Variants in SHROOM4 observed in about 807,000 individuals in gnomAD.
SHROOM4 encodes protein Shroom4.
In SHROOM4, 17 loss-of-function variants were observed where a neutral mutation model predicts 80.3. The observed-to-expected ratio is 0.21, with a 90% CI of 0.14 to 0.32. SHROOM4 has a LOEUF of 0.32. SHROOM4 is among the 10% of genes least tolerant of loss of function. The probability of loss-of-function intolerance (pLI) is 1.00; values close to 1 mark genes in which losing one functional copy is unlikely to be tolerated. For synonymous variants in SHROOM4, 400 were observed against 437.5 expected, an observed-to-expected ratio of 0.91 and a Z score of 1.07; for missense variants, 993 against 1,140.3, an observed-to-expected ratio of 0.87 and a Z score of 1.86.
downstream of SHROOM4, among the ~76,000 whole-genome samples, chrX:50,582,005 C>A (rs1928676200): frequency 8.9e-6 from 1 of 111,947 alleles, no homozygotes; most frequent in Non-Finnish European, 1.9e-5. Flanking sequence ...CTGGTGTTCA[C>A]ACCCCTGTAT....
intron 5 of SHROOM4, among the ~76,000 whole-genome samples, chrX:50,615,288 G>T (rs187969636): frequency 1.8e-5 from 2 of 111,255 alleles, no homozygotes; most frequent in African/African-American, 6.5e-5. Context: ...TTAAAATTCT[G>T]CCTTTCCTAT....
chrX:50,742,619 T>C (rs1557267293), intron 1 of SHROOM4, among the ~76,000 whole-genome samples: 1 of 63,072 alleles, frequency 1.6e-5, no homozygotes, highest in Non-Finnish European at 3.0e-5. Flanking sequence ...TCTTCATAAT[T>C]GGAGTGGGGT....
intron 1 of SHROOM4, among the ~76,000 whole-genome samples, chrX:50,787,993 A>T (rs1188745164): frequency 8.9e-6 from 1 of 112,050 alleles, no homozygotes; most frequent in Non-Finnish European, 1.9e-5. Flanking sequence ...AAATACAGAC[A>T]AGTGTGAAAT....
chrX:50,797,507 A>C (rs1233449378), intron 1 of SHROOM4, among the ~76,000 whole-genome samples: 1 of 111,998 alleles, frequency 8.9e-6, no homozygotes, highest in Admixed American at 9.5e-5. Context: ...CTGAAAAGAC[A>C]CACAGAAATA....
chrX:50,598,145 C>T, intron 8 of SHROOM4, 121 bp downstream of exon 8: 1 of 1,003,678 alleles, frequency 1.0e-6, no homozygotes, highest in East Asian at 3.1e-5. Flanking sequence ...ATCCTCAGTG[C>T]TCACATGCTT....
intron 5 of SHROOM4, among the ~76,000 whole-genome samples, chrX:50,620,610 A>G (rs1474661884): frequency 8.9e-6 from 1 of 112,094 alleles, no homozygotes; most frequent in African/African-American, 3.2e-5. Flanking sequence ...GACTAAACCA[A>G]TTTGTATTGT....
rs1269231939 is a variant in SHROOM4 at position 50,590,787 on chromosome X, G to A, written c.*5908C>T. ...TTTGAAGAAATGTCTATTACAATCT[G>A]TTAACCCATTTTTAATTGGTTATTT... On this transcript the variant is annotated 3_prime_UTR_variant, in exon 9 of 9. Transcript: ENST00000376020. Among the ~76,000 whole-genome samples the A allele has an allele frequency of 2.7e-5, 3 of 112,286 alleles. No individual in the cohort carries two copies. Among genetic ancestry groups the A allele is most frequent in the African/African-American group, 9.7e-5 (3 of 30,946 alleles).
chrX:50,699,009 T>C (rs1200783595), intron 1 of SHROOM4, among the ~76,000 whole-genome samples: 1 of 112,399 alleles, frequency 8.9e-6, no homozygotes, highest in Non-Finnish European at 1.9e-5. Flanking sequence ...TAACAATATA[T>C]GATGCTATCC....
rs1200598446 is a variant in SHROOM4 at position 50,591,558 on chromosome X, C to T, written c.*5137G>A. On this transcript the variant is annotated 3_prime_UTR_variant, in exon 9 of 9. Coordinates refer to ENST00000376020, the MANE Select transcript of SHROOM4 (RefSeq NM_020717.5). ...GTCTTTCCATTTATTTTGATCTTCT[C>T]TAATCTCTTTCAACAATGTTTTATA... 1.6e-5 allele frequency: 4 copies of T among 250,810 alleles called. No individual in the cohort carries two copies. The highest frequency in any genetic ancestry group is 6.2e-5 in the Admixed American group (1 of 16,055). 20.7% of individuals were successfully genotyped at this position (250,810 alleles called of 1,213,427 possible).
intron 5 of SHROOM4, among the ~76,000 whole-genome samples, chrX:50,617,873 A>G (rs1930316769): frequency 9.0e-6 from 1 of 111,359 alleles, no homozygotes; most frequent in Non-Finnish European, 1.9e-5. Context: ...CAGGCAGAAG[A>G]AGACCAACTC....
intron 1 of SHROOM4, among the ~76,000 whole-genome samples, chrX:50,778,180 C>T (rs1428567450): frequency 1.8e-5 from 2 of 112,384 alleles, no homozygotes; most frequent in Non-Finnish European, 3.8e-5. Flanking sequence ...GCTCAGACTA[C>T]TGCAGACTCT....
chrX:50,801,291 A>AGAG (rs782711842), intron 1 of SHROOM4, among the ~76,000 whole-genome samples: 1 of 103,557 alleles, frequency 9.7e-6, no homozygotes, highest in Non-Finnish European at 2.0e-5. Flanking sequence ...AGAGAGAGAG[A>AGAG]ACACGTACTG....
intron 2 of SHROOM4, among the ~76,000 whole-genome samples, chrX:50,687,613 A>G (rs927570691): frequency 8.1e-5 from 9 of 110,896 alleles, no homozygotes; most frequent in Non-Finnish European, 1.3e-4. Flanking sequence ...CAAAGACAGG[A>G]CAGCTAGGGA....
At position 50,690,464 on chromosome X, in the gene SHROOM4, A is replaced by G. The variant is rs1469746317; in HGVS notation, c.269+5322T>C. On this transcript the variant is annotated intron_variant, in intron 2 of 8. Transcript: ENST00000376020. Reference sequence around the variant, plus strand: ...TTTCATTCTTCATTTTTAATAATAAAATATTTAAGGTTATGAATTTACTTC... The same window carrying G: ...TTTCATTCTTCATTTTTAATAATAAGATATTTAAGGTTATGAATTTACTTC... Among the ~76,000 whole-genome samples, 3 of 111,891 alleles carry G rather than the reference A, an allele frequency of 2.7e-5. No individual in the cohort carries two copies. In the East Asian group the frequency reaches 8.4e-4, roughly 31 times the overall value.
At chrX:50,778,073 A>T (rs782540487) in intron 1 of SHROOM4, among the ~76,000 whole-genome samples, 54 of 111,280 alleles carry the variant, frequency 4.9e-4, no homozygotes, top group Non-Finnish European at 8.9e-4. Context: ...GAACTTCCAT[A>T]CCAGTCTTCC....
At chrX:50,773,266 C>T (rs1935435106) in intron 1 of SHROOM4, among the ~76,000 whole-genome samples, 1 of 112,239 alleles carries the variant, frequency 8.9e-6, no homozygotes, top group Admixed American at 9.4e-5. Context: ...TTCACGACCA[C>T]AAACCTATTA....
intron 1 of SHROOM4, among the ~76,000 whole-genome samples, chrX:50,729,831 G>C (rs1934327982): frequency 9.0e-6 from 1 of 110,602 alleles, no homozygotes; most frequent in Non-Finnish European, 1.9e-5. Context: ...AAATTAGTGG[G>C]ATAACAAATT....
At chrX:50,801,981 C>T (rs1299212564) in intron 1 of SHROOM4, among the ~76,000 whole-genome samples, 4 of 111,860 alleles carry the variant, frequency 3.6e-5, no homozygotes, top group African/African-American at 1.3e-4. Context: ...TTACAACATT[C>T]GGATTTTCAG....
chrX:50,747,034 TC>T (rs1426110471), intron 1 of SHROOM4, among the ~76,000 whole-genome samples: 1 of 111,980 alleles, frequency 8.9e-6, no homozygotes, highest in East Asian at 2.8e-4. Context: ...TACAATTTTT[TC>T]CCATTGTACA....
Sources: allele counts gnomAD v4.1 joint callset (sites outside exome capture counted in the v4.1 genomes callset), GRCh38; gene constraint gnomAD v4.1.1; transcripts MANE v1.5; gene names NCBI Gene and HGNC (gene_info 2026-07-23, HGNC 2026-07-21).